MESD: variants seen among roughly 807,000 people sequenced by gnomAD.
The protein encoded by MESD is mesoderm development LRP chaperone.
MESD carries 7 observed loss-of-function variants against 12.9 expected under a neutral mutation model. That is an observed-to-expected ratio of 0.54 (90% CI 0.31 to 1.02). MESD has a LOEUF of 1.02. Among genes scored for constraint, MESD ranks in the 50% least tolerant of loss-of-function variants. The pLI is 0.05. For synonymous variants in MESD, 126 were observed against 115.6 expected, an observed-to-expected ratio of 1.09 and a Z score of -0.58; for missense variants, 342 against 296.7, an observed-to-expected ratio of 1.15 and a Z score of -1.12.
chr15:80,982,257 G>T, intron 1 of MESD, 75 bp from the exon 2 acceptor site: 1 of 1,184,824 alleles, frequency 8.4e-7, no homozygotes, highest in Non-Finnish European at 1.2e-6. Context: ...AAAAACTTCT[G>T]CATGATGTCA....
rs777412094 is a variant in MESD at position 80,982,201 on chromosome 15, A to C, written c.214-19T>G. The C allele has an allele frequency of 1.9e-6, 3 of 1,601,794 alleles. No homozygotes were observed. The highest frequency in any genetic ancestry group is 1.7e-4 in the Middle Eastern group (1 of 6,024). ...CATCTTTCTATCAGATTAGGGGAAA[A>C]GCATCAAACCTATCATCAGAATCTT... is the stretch of plus-strand genomic sequence containing the variant. On this transcript the variant is annotated intron_variant, in intron 1 of 2. Transcript: ENST00000261758.
chr15:80,989,426 G>A (rs1893232949), intron 1 of MESD, among the ~76,000 whole-genome samples, 153 bp downstream of exon 1: 2 of 152,154 alleles, frequency 1.3e-5, no homozygotes, highest in Admixed American at 6.5e-5. Flanking sequence ...GGAATGGAGG[G>A]TCAACAGTGG....
Position 80,978,573 on chromosome 15 carries a change from T to C in MESD, c.*646A>G. 1 of 152,244 alleles carries C rather than the reference T, an allele frequency of 6.6e-6. No individual in the cohort carries two copies. The highest frequency in any genetic ancestry group is 1.9e-4 in the East Asian group (1 of 5,190). 9.4% of individuals were successfully genotyped at this position (152,244 alleles called of 1,614,324 possible). On this transcript the variant is annotated 3_prime_UTR_variant, in exon 3 of 3. Coordinates refer to ENST00000261758, the MANE Select transcript of MESD (RefSeq NM_015154.3). ...GGAAACAAAACAGAACCCCTAACTT[T>C]ACAGACCACATAAAACCTGACAGAC...
chr15:80,966,472 A>C (rs568360315), intron 3 of MESD, among the ~76,000 whole-genome samples: 1 of 152,340 alleles, frequency 6.6e-6, no homozygotes, highest in African/African-American at 2.4e-5. Context: ...GGTTTCTGAA[A>C]GTCACAGAGT....
intron 2 of MESD, 77 bp from the exon 3 acceptor site, chr15:80,979,554 T>C: frequency 6.8e-7 from 1 of 1,478,244 alleles, no homozygotes; most frequent in Non-Finnish European, 9.1e-7. Context: ...TCTCTGGCAC[T>C]TATCAGTTTA....
chr15:80,989,786 C>T lies in MESD; in HGVS notation c.6G>A (p.Ala2=), dbSNP rs541197755. 24 of 1,578,334 alleles carry T rather than the reference C, an allele frequency of 1.5e-5. No individual in the cohort carries two copies. The African/African-American group carries it at 1.7e-4, about 11-fold the overall frequency. ...CGGCCTTGCGCGCCCACCTGGAAGC[C>T]GCCATTTTCGCTGCGCCGCGCAGCG... M[A]ASRWARKAVV... is the part of the protein sequence containing the mutation. The change falls in exon 1 of 3, where the codon GCG becomes GCA. Residue 2 remains alanine, a synonymous_variant. Transcript: ENST00000261758.
chr15:80,953,165 G>A, intron 3 of MESD: 1 of 443,660 alleles, frequency 2.3e-6, no homozygotes, highest in Non-Finnish European at 4.6e-6. Context: ...GAGGCAAAGT[G>A]GAAGGTGGGT....
At chr15:80,958,092 G>A (rs908855123) in intron 3 of MESD, among the ~76,000 whole-genome samples, 3 of 152,150 alleles carry the variant, frequency 2.0e-5, no homozygotes, top group Non-Finnish European at 4.4e-5. Context: ...ACACAAGGAA[G>A]TTATTTATAG....
chr15:80,976,734 A>C lies in MESD; in HGVS notation c.*2485T>G, dbSNP rs1224206365. The C allele has an allele frequency of 6.6e-6, 1 of 152,194 alleles. No individual in the cohort carries two copies. Among genetic ancestry groups the C allele is most frequent in the Non-Finnish European group, 1.5e-5 (1 of 68,036 alleles). 9.4% of individuals were successfully genotyped at this position (152,194 alleles called of 1,614,324 possible). ...GCTAGGAATTTACCTTTCAGATATA[A>C]ACAAAAGTGTACCGAAATATTTTGT... On this transcript the variant is annotated 3_prime_UTR_variant, in exon 3 of 3. Transcript: ENST00000261758.
chr15:80,964,358 A>T (rs942962094), intron 3 of MESD, among the ~76,000 whole-genome samples: 2 of 152,230 alleles, frequency 1.3e-5, no homozygotes, highest in African/African-American at 2.4e-5. Context: ...TTCCATGCTC[A>T]TGGATCAATA....
At chr15:80,981,436 CAAAAAA>C (rs58445538) in intron 2 of MESD, among the ~76,000 whole-genome samples, 1 of 48,444 alleles carries the variant, frequency 2.1e-5, no homozygotes, top group Non-Finnish European at 4.7e-5. Context: ...GACTCCGTCT[CAAAAAA>C]AAAAAAAAAA....
chr15:80,974,238 G>A (rs943618990), downstream of MESD, among the ~76,000 whole-genome samples: 3 of 152,132 alleles, frequency 2.0e-5, no homozygotes, highest in African/African-American at 7.2e-5. Context: ...GCAGCTCCTG[G>A]CGAAGCAGAC....
chr15:80,968,800 C>T (rs28600856), intron 3 of MESD, among the ~76,000 whole-genome samples: 1 of 152,182 alleles, frequency 6.6e-6, no homozygotes, highest in Non-Finnish European at 1.5e-5. Context: ...CATGATACAG[C>T]TAATAAAATG....
At chr15:80,974,094 A>G (rs1479724146), downstream of MESD, among the ~76,000 whole-genome samples, 1 of 152,122 alleles carries the variant, frequency 6.6e-6, no homozygotes, top group African/African-American at 2.4e-5. Flanking sequence ...ACCCTAGTCT[A>G]GGACACTCAG....
intron 3 of MESD, chr15:80,953,143 G>A (rs1449949048): frequency 2.2e-6 from 1 of 453,468 alleles, no homozygotes; most frequent in African/African-American, 2.0e-5. Context: ...ATAAATCAAG[G>A]CTCAGTCATG....
At chr15:80,973,137 A>G (rs900135024), downstream of MESD, among the ~76,000 whole-genome samples, 1 of 152,254 alleles carries the variant, frequency 6.6e-6, no homozygotes, top group Non-Finnish European at 1.5e-5. Context: ...TATAACGCTC[A>G]GATGTAATGG....
chr15:80,957,688 C>T (rs918226070), intron 3 of MESD, among the ~76,000 whole-genome samples: 4 of 152,120 alleles, frequency 2.6e-5, no homozygotes, highest in African/African-American at 9.7e-5. Flanking sequence ...AAGCCTGAGA[C>T]CCAGGAGAGC....
intron 1 of MESD, among the ~76,000 whole-genome samples, chr15:80,987,469 T>C (rs1441657617): frequency 2.0e-5 from 3 of 151,202 alleles, no homozygotes; most frequent in Non-Finnish European, 2.9e-5. Flanking sequence ...TAGTGAGGGG[T>C]AAAGCTGAGT....
At chr15:80,946,479 TTA>T, downstream of MESD, 2 of 172,296 alleles carry the variant, frequency 1.2e-5, no homozygotes, top group South Asian at 2.9e-4. Flanking sequence ...CTGGATGGTT[TTA>T]TGATTTGACA....
Sources: allele counts gnomAD v4.1 joint callset (sites outside exome capture counted in the v4.1 genomes callset), GRCh38; gene constraint gnomAD v4.1.1; transcripts MANE v1.5; gene names NCBI Gene and HGNC (gene_info 2026-07-23, HGNC 2026-07-21).